DDX10: variants seen among roughly 807,000 people sequenced by gnomAD.
DDX10 encodes the protein probable ATP-dependent RNA helicase DDX10.
In DDX10, 74 loss-of-function variants were observed where a neutral mutation model predicts 104.3. The ratio of observed to expected loss-of-function variants is 0.71; its 90% CI spans 0.59 to 0.86. The LOEUF (loss-of-function observed/expected upper bound fraction) is 0.86. DDX10 is among the 40% of genes least tolerant of loss of function. The pLI, the probability that DDX10 is intolerant of heterozygous loss-of-function variation, is 0.00. For synonymous variants in DDX10, 351 were observed against 353.4 expected, an observed-to-expected ratio of 0.99 and a Z score of 0.08; for missense variants, 952 against 1,040.0, an observed-to-expected ratio of 0.92 and a Z score of 1.16.
chr11:108,921,647 A>G (rs1248076079), intron 17 of DDX10: 4 of 152,244 alleles, frequency 2.6e-5, no homozygotes, highest in Non-Finnish European at 5.9e-5. Flanking sequence ...ATGGGACTAG[A>G]TAGACCAATT....
At chr11:108,668,719 A>G (rs73001756) in intron 1 of DDX10, among the ~76,000 whole-genome samples, 1,879 of 152,266 alleles carry the variant, frequency 0.012, 18 homozygotes, top group Middle Eastern at 0.031. Flanking sequence ...GTGAGTATAT[A>G]TGGAAAAAAA....
intron 16 of DDX10, among the ~76,000 whole-genome samples, chr11:108,891,642 C>A (rs1454832298): frequency 2.0e-5 from 3 of 152,112 alleles, no homozygotes; most frequent in Non-Finnish European, 4.4e-5. Context: ...ACCATAATGC[C>A]GTTACTCTTG....
At chr11:108,800,215 A>C (rs939118216) in intron 13 of DDX10, among the ~76,000 whole-genome samples, 3 of 150,426 alleles carry the variant, frequency 2.0e-5, no homozygotes, top group African/African-American at 7.4e-5. Flanking sequence ...AGGCCGAGAC[A>C]GGCGGATCAC....
chr11:108,890,568 TA>T (rs558893673), intron 16 of DDX10, among the ~76,000 whole-genome samples: 2,344 of 137,114 alleles, frequency 0.017, 27 homozygotes, highest in African/African-American at 0.041. Flanking sequence ...AAATGCCACT[TA>T]AAAAAAAAAA....
intron 13 of DDX10, among the ~76,000 whole-genome samples, chr11:108,800,661 C>A (rs189931241): frequency 6.6e-6 from 1 of 152,214 alleles, no homozygotes; most frequent in East Asian, 1.9e-4. Context: ...GATCAATTGA[C>A]AATCAATATG....
chr11:108,899,166 C>T (rs1283811920), intron 16 of DDX10, among the ~76,000 whole-genome samples: 3 of 152,096 alleles, frequency 2.0e-5, no homozygotes, highest in Non-Finnish European at 4.4e-5. Flanking sequence ...CATATAAATG[C>T]ACTGGTCTAT....
chr11:108,768,658 A>G (rs915524104), intron 13 of DDX10, among the ~76,000 whole-genome samples: 1 of 152,172 alleles, frequency 6.6e-6, no homozygotes, highest in Non-Finnish European at 1.5e-5. Flanking sequence ...ATTAAGCAAT[A>G]TTTCTACCTC....
rs1029659519 is a variant in DDX10 at position 108,934,133 on chromosome 11, C to T, written c.2451-6113C>T. Among the ~76,000 whole-genome samples, 15 of 152,186 alleles carry T rather than the reference C, an allele frequency of 9.9e-5. No homozygotes were observed. In the East Asian group the frequency reaches 1.4e-3, roughly 14 times the overall value. On this transcript the variant is annotated intron_variant, in intron 17 of 17. Coordinates refer to ENST00000322536, the MANE Select transcript of DDX10 (RefSeq NM_004398.4). ...TGAGGGTGGGTCAGGGAAGGCTTCC[C>T]GGAGCTGGATCAGGTGAAGGAGGGC...
intron 13 of DDX10, among the ~76,000 whole-genome samples, chr11:108,742,817 C>G (rs2094326895): frequency 6.6e-6 from 1 of 152,124 alleles, no homozygotes; most frequent in South Asian, 2.1e-4. Context: ...TGGAAACATA[C>G]AACCTCCTGG....
chr11:108,806,541 T>C (rs1312307084), intron 13 of DDX10, among the ~76,000 whole-genome samples: 1 of 152,212 alleles, frequency 6.6e-6, no homozygotes, highest in Non-Finnish European at 1.5e-5. Flanking sequence ...CCATGTTAGC[T>C]GCAGAGCCAC....
intron 10 of DDX10, among the ~76,000 whole-genome samples, chr11:108,710,208 G>A (rs1267166142): frequency 6.6e-6 from 1 of 152,174 alleles, no homozygotes; most frequent in Non-Finnish European, 1.5e-5. Context: ...TGAAGAGTTA[G>A]CACATTACTG....
intron 16 of DDX10, among the ~76,000 whole-genome samples, chr11:108,916,849 T>G (rs1863757569): frequency 6.6e-6 from 1 of 152,072 alleles, no homozygotes; most frequent in African/African-American, 2.4e-5. Flanking sequence ...TTGACAAAAA[T>G]AACCACCAAA....
intron 6 of DDX10, among the ~76,000 whole-genome samples, chr11:108,682,516 G>A (rs2094236881): frequency 6.6e-6 from 1 of 152,074 alleles, no homozygotes; most frequent in Non-Finnish European, 1.5e-5. Flanking sequence ...TACACCCTAT[G>A]TTTTTAGATT....
chr11:108,693,746 C>T, intron 9 of DDX10, 146 bp downstream of exon 9: 1 of 674,484 alleles, frequency 1.5e-6, no homozygotes, highest in Non-Finnish European at 2.7e-6. Flanking sequence ...TACTGTAAAT[C>T]ATTATGGCTA....
At chr11:108,813,600 C>A (rs1466861539) in intron 13 of DDX10, among the ~76,000 whole-genome samples, 1 of 151,978 alleles carries the variant, frequency 6.6e-6, no homozygotes, top group Non-Finnish European at 1.5e-5. Flanking sequence ...CCAGTTTTGT[C>A]TTTTATGGGT....
chr11:108,678,471 A>G lies in DDX10; in HGVS notation c.658+36A>G, dbSNP rs766526439. The G allele has an allele frequency of 6.5e-6, 10 of 1,548,108 alleles. No individual in the cohort carries two copies. The East Asian group carries it at 2.0e-4, about 32-fold the overall frequency. On this transcript the variant is annotated intron_variant, in intron 5 of 17. Transcript: ENST00000322536. ...TCAATTTCTAATTTAAAAAAAAAAAAAGCTCAGACTTAGGAGAGAGCCCTT... is the reference window on the plus strand; with the variant it reads ...TCAATTTCTAATTTAAAAAAAAAAAGAGCTCAGACTTAGGAGAGAGCCCTT...
At chr11:108,821,893 A>G (rs1234462590) in intron 13 of DDX10, among the ~76,000 whole-genome samples, 2 of 152,190 alleles carry the variant, frequency 1.3e-5, no homozygotes, top group African/African-American at 2.4e-5. Flanking sequence ...CTTATCTTCA[A>G]CTCTTGCCTT....
rs1004337245 is a variant in DDX10 at position 108,857,196 on chromosome 11, T to C, written c.2304+4987T>C. 2.0e-5 allele frequency among the ~76,000 whole-genome samples: 3 copies of C among 152,188 alleles called. No individual in the cohort carries two copies. The South Asian group carries it at 6.2e-4, about 32-fold the overall frequency. Reference sequence around the variant, plus strand: ...TTCTGTATGTTGCTTTTTTTTCTTTTTCTATGTAAAAACAAATCGCATCCA... The same window carrying C: ...TTCTGTATGTTGCTTTTTTTTCTTTCTCTATGTAAAAACAAATCGCATCCA... On this transcript the variant is annotated intron_variant, in intron 16 of 17. Transcript: ENST00000322536.
chr11:108,816,162 C>T (rs1404055016), intron 13 of DDX10, among the ~76,000 whole-genome samples: 6 of 152,130 alleles, frequency 3.9e-5, no homozygotes, highest in African/African-American at 1.2e-4. Context: ...CTGGTTCCTC[C>T]TCCTTTTCCC....
Sources: gnomAD v4.1 joint callset for allele counts (sites outside exome capture counted in the v4.1 genomes callset) on GRCh38, gnomAD v4.1.1 for gene constraint, MANE v1.5 for transcripts, NCBI Gene and HGNC (gene_info 2026-07-23, HGNC 2026-07-21) for gene names.